THOC7: variants seen among roughly 807,000 people sequenced by gnomAD.
THOC7 encodes the protein NIF3L1-binding protein 1.
In THOC7, 22 loss-of-function variants were observed where a neutral mutation model predicts 33.1. The ratio of observed to expected loss-of-function variants is 0.66; its 90% confidence interval spans 0.47 to 0.95. THOC7 has a LOEUF of 0.95. Ranked by LOEUF, THOC7 falls within the 40% of genes least tolerant of loss-of-function variation. The probability of loss-of-function intolerance (pLI) is 0.00; values close to 1 mark genes in which losing one functional copy is unlikely to be tolerated. For synonymous variants in THOC7, 77 were observed against 76.8 expected (o/e 1.00, Z -0.01); for missense variants, 184 against 245.3 (o/e 0.75, Z 1.67).
At chr3:63,851,814 C>T (rs1268604402) in intron 1 of THOC7, among the ~76,000 whole-genome samples, 1 of 152,148 alleles carries the variant, frequency 6.6e-6, no homozygotes, top group East Asian at 1.9e-4. Context: ...CTTATTGGAA[C>T]ACTTATTCTA....
At chr3:63,837,841 T>G in intron 4 of THOC7, 135 bp downstream of exon 4, 1 of 633,064 alleles carries the variant, frequency 1.6e-6, no homozygotes, top group Non-Finnish European at 2.6e-6. Flanking sequence ...AATATAGTTT[T>G]AAGGAATTAA....
intron 1 of THOC7, among the ~76,000 whole-genome samples, chr3:63,860,290 C>T (rs1228753443): frequency 6.6e-6 from 1 of 152,146 alleles, no homozygotes; most frequent in African/African-American, 2.4e-5. Flanking sequence ...CGTGATCCTC[C>T]TGCCTTAGCA....
At chr3:63,859,788 C>G (rs1298293792) in intron 1 of THOC7, among the ~76,000 whole-genome samples, 1 of 152,218 alleles carries the variant, frequency 6.6e-6, no homozygotes, top group East Asian at 1.9e-4. Context: ...ACACATACCA[C>G]TCATTTCAGC....
At chr3:63,846,310 T>C (rs376521436) in intron 1 of THOC7, 36 of 386,972 alleles carry the variant, frequency 9.3e-5, no homozygotes, top group Middle Eastern at 3.7e-4. Flanking sequence ...TGGACAAAAA[T>C]GGACTTCAGG....
At chr3:63,850,685 C>T (rs750140653) in intron 1 of THOC7, among the ~76,000 whole-genome samples, 16 of 147,642 alleles carry the variant, frequency 1.1e-4, no homozygotes, top group Non-Finnish European at 1.9e-4. Flanking sequence ...CTCCTGGGTT[C>T]AAGCAATTCT....
chr3:63,836,858 C>A (rs182819723), intron 4 of THOC7, among the ~76,000 whole-genome samples: 155 of 151,952 alleles, frequency 1.0e-3, no homozygotes, highest in Middle Eastern at 3.4e-3. Flanking sequence ...TCCACTGAGA[C>A]CTCCAAGATA....
At chr3:63,863,360 T>G in intron 1 of THOC7, 1 of 825,992 alleles carries the variant, frequency 1.2e-6, no homozygotes, top group Non-Finnish European at 1.5e-6. Context: ...CCGGCACCAC[T>G]GTCCACCCTT....
intron 4 of THOC7, 85 bp downstream of exon 4, chr3:63,837,891 G>A: frequency 7.9e-7 from 1 of 1,258,094 alleles, no homozygotes; most frequent in Non-Finnish European, 1.1e-6. Context: ...TCAGGCTGCA[G>A]ATTTTACCTC....
At position 63,838,376 on chromosome 3, in the gene THOC7, T is replaced by G; in HGVS notation, c.261A>C (p.Glu87Asp). The change falls in exon 3 of 8, where the codon GAA becomes GAC. Residue 87 changes from glutamate to aspartate, a missense_variant. Physicochemically the swap from Glu to Asp is conservative, Grantham distance 45. Coordinates refer to ENST00000295899, the MANE Select transcript of THOC7 (RefSeq NM_025075.4). Reference protein sequence around the residue: ...EMENYEKIYKEIECSIAGAHE... With the variant: ...EMENYEKIYKDIECSIAGAHE... ...AGAAACATTAAGATTCTTTACCTAT[T>G]TCCTTGTAAATTTTTTCATAATTTT... is the stretch of plus-strand genomic sequence containing the variant. 6.6e-7 allele frequency: 1 copy of G among 1,505,668 alleles called. No homozygotes were observed. Among genetic ancestry groups the G allele is most frequent in the Non-Finnish European group, 9.2e-7 (1 of 1,091,654 alleles). 93.3% of individuals were successfully genotyped at this position (1,505,668 alleles called of 1,614,324 possible).
chr3:63,861,708 G>GC (rs1228792843), intron 1 of THOC7: 1 of 151,976 alleles, frequency 6.6e-6, no homozygotes, highest in Non-Finnish European at 1.5e-5. Flanking sequence ...GTAAACGTTA[G>GC]TAAGTGGCGA....
intron 1 of THOC7, among the ~76,000 whole-genome samples, chr3:63,848,826 ACTT>A (rs1701961297): frequency 6.6e-6 from 1 of 152,194 alleles, no homozygotes; most frequent in South Asian, 2.1e-4. Context: ...ATTTAAGGAA[ACTT>A]CTTTTTTTAA....
At chr3:63,847,086 G>T (rs986179808) in intron 1 of THOC7, among the ~76,000 whole-genome samples, 5 of 152,046 alleles carry the variant, frequency 3.3e-5, no homozygotes, top group African/African-American at 4.8e-5. Context: ...TTGCGTAGGC[G>T]AATAGGAAGT....
At chr3:63,845,044 G>C (rs1174095605) in intron 1 of THOC7, 4 of 700,118 alleles carry the variant, frequency 5.7e-6, no homozygotes, top group Non-Finnish European at 7.8e-6. Context: ...AGGACCTGGA[G>C]ACAGCTGACC....
intron 1 of THOC7, among the ~76,000 whole-genome samples, chr3:63,840,621 A>G (rs1467376754): frequency 6.6e-6 from 1 of 152,214 alleles, no homozygotes; most frequent in Non-Finnish European, 1.5e-5. Context: ...AAATAAAAAA[A>G]TACAGATGAC....
intron 1 of THOC7, 135 bp from the exon 2 acceptor site, chr3:63,839,908 C>A (rs1701723077): frequency 9.0e-6 from 6 of 665,624 alleles, no homozygotes; most frequent in Non-Finnish European, 1.0e-5. Context: ...CTGAACTGTA[C>A]ACTTAAAAAT....
At position 63,835,161 on chromosome 3, in the gene THOC7, T is replaced by C; in HGVS notation, c.540A>G (p.Thr180=). Residue 180 remains threonine (T), a synonymous_variant, in exon 7 of 8, where the codon ACA becomes ACG. Coordinates refer to ENST00000295899, the MANE Select transcript of THOC7 (RefSeq NM_025075.4). The stretch of plus-strand genomic sequence containing the variant: ...GAGACTATTTCTACTTACTTTCCAA[T>C]GTTTGCTGAAGTTCATGGATGGTAC... ...LLSTIHELQQ[T]LENDEKLSEV... is the part of the protein sequence containing the mutation. 1.9e-6 allele frequency: 3 copies of C among 1,613,534 alleles called. No homozygotes were observed. The highest frequency in any genetic ancestry group is 1.7e-6 in the Non-Finnish European group (2 of 1,179,748).
intron 1 of THOC7, among the ~76,000 whole-genome samples, chr3:63,854,112 T>C (rs1046888555): frequency 1.3e-5 from 2 of 152,196 alleles, no homozygotes; most frequent in Non-Finnish European, 2.9e-5. Flanking sequence ...GCTGAAATTG[T>C]GCACAGAGAG....
At chr3:63,842,743 G>A (rs1386747061) in intron 1 of THOC7, among the ~76,000 whole-genome samples, 1 of 152,084 alleles carries the variant, frequency 6.6e-6, no homozygotes, top group Non-Finnish European at 1.5e-5. Flanking sequence ...ACTACATTGG[G>A]TACACTGGGT....
chr3:63,844,664 G>A (rs1359533758), intron 1 of THOC7, among the ~76,000 whole-genome samples: 1 of 152,142 alleles, frequency 6.6e-6, no homozygotes, highest in East Asian at 1.9e-4. Context: ...GTGAGCTCCT[G>A]ATAAAAGGGT....
Sources: gnomAD v4.1 joint callset for allele counts (sites outside exome capture counted in the v4.1 genomes callset) on GRCh38, gnomAD v4.1.1 for gene constraint, MANE v1.5 for transcripts, NCBI Gene and HGNC (gene_info 2026-07-23, HGNC 2026-07-21) for gene names.